BFSP2: variants seen among roughly 807,000 people sequenced by gnomAD.
BFSP2 encodes the protein phakinin.
BFSP2 carries 38 observed loss-of-function variants against 44.9 expected under a neutral mutation model. The ratio of observed to expected loss-of-function variants is 0.85; its 90% CI spans 0.65 to 1.11. The LOEUF is 1.11. Ranked by LOEUF, BFSP2 falls within the 50% of genes least tolerant of loss-of-function variation. The probability of loss-of-function intolerance (pLI) is 0.00; values close to 1 mark genes in which losing one functional copy is unlikely to be tolerated. For missense variants in BFSP2, 525 were observed against 533.0 expected, an observed-to-expected ratio of 0.99 and a Z score of 0.15; for synonymous variants, 197 against 209.9, an observed-to-expected ratio of 0.94 and a Z score of 0.53.
intron 1 of BFSP2, among the ~76,000 whole-genome samples, chr3:133,416,161 CCTCTCCCCTCTAGTCAGCCCTGTT>C (rs2107888149): frequency 1.4e-5 from 2 of 144,646 alleles, no homozygotes; most frequent in Admixed American, 1.4e-4. Context: ...TCACCACTGT[CCTCTCCCCTCTAGTCAGCCCTGTT>C]CTCTCCCCTT....
intron 1 of BFSP2, among the ~76,000 whole-genome samples, chr3:133,415,114 T>C (rs1409781319): frequency 1.1e-5 from 1 of 87,818 alleles, no homozygotes. Flanking sequence ...CTGCCTCCTC[T>C]GTTCTACTTA....
intron 2 of BFSP2, 130 bp downstream of exon 2, chr3:133,447,529 A>G (rs1423053083): frequency 2.1e-6 from 2 of 954,532 alleles, no homozygotes; most frequent in African/African-American, 3.3e-5. Context: ...TAACAGAGCC[A>G]TGATTATCCA....
intron 5 of BFSP2, among the ~76,000 whole-genome samples, chr3:133,471,934 T>A (rs1219618509): frequency 6.6e-6 from 1 of 151,346 alleles, no homozygotes; most frequent in Non-Finnish European, 1.5e-5. Context: ...CCCCGGGGAG[T>A]GAAGAAATCA....
At chr3:133,442,613 G>T (rs1269908910) in intron 1 of BFSP2, among the ~76,000 whole-genome samples, 1 of 152,196 alleles carries the variant, frequency 6.6e-6, no homozygotes, top group East Asian at 1.9e-4. Context: ...TAATGGGATA[G>T]GAGAGCATGA....
At chr3:133,467,107 G>T in intron 5 of BFSP2, 148 bp downstream of exon 5, 1 of 1,116,572 alleles carries the variant, frequency 9.0e-7, no homozygotes, top group Non-Finnish European at 1.3e-6. Context: ...GACTCCCAAG[G>T]ATCATCAGAT....
At chr3:133,473,945 C>T (rs965473590) in intron 6 of BFSP2, among the ~76,000 whole-genome samples, 1 of 152,174 alleles carries the variant, frequency 6.6e-6, no homozygotes, top group African/African-American at 2.4e-5. Context: ...CCAGAACCTG[C>T]TTATACTGGC....
chr3:133,426,019 G>C (rs991846644), intron 1 of BFSP2, among the ~76,000 whole-genome samples: 3 of 121,644 alleles, frequency 2.5e-5, no homozygotes, highest in African/African-American at 9.1e-5. Context: ...GAAGGGAAGG[G>C]AAGGGAAGGG....
chr3:133,472,420 G>C lies in BFSP2; in HGVS notation c.1099G>C (p.Val367Leu). 6.2e-7 allele frequency: 1 copy of C among 1,614,176 alleles called. No homozygotes were observed. The highest frequency in any genetic ancestry group is 2.2e-5 in the East Asian group (1 of 44,876). The part of the protein sequence containing the change: ...DMELQNLGAV[V>L]GRLEAELREI... ...GGAGCTCCAGAACCTGGGCGCTGTG[G>C]TCGGCCGGCTGGAGGCGGAGCTCAG... is the stretch of plus-strand genomic sequence containing the variant. The change falls in exon 6 of 7, where the codon GTC (valine) becomes CTC (leucine). Residue 367 changes from valine (V) to leucine (L), a missense_variant. Transcript: ENST00000302334.
At chr3:133,471,949 A>C (rs375323627) in intron 5 of BFSP2, among the ~76,000 whole-genome samples, 12 of 152,086 alleles carry the variant, frequency 7.9e-5, no homozygotes, top group African/African-American at 2.9e-4. Flanking sequence ...AAATCAGAAG[A>C]AAAAGCCCCG....
At chr3:133,464,514 T>G (rs1044713662) in intron 4 of BFSP2, among the ~76,000 whole-genome samples, 16 of 152,394 alleles carry the variant, frequency 1.0e-4, no homozygotes, top group Non-Finnish European at 8.8e-5. Flanking sequence ...TTCTTTATTA[T>G]TAGTAGTATT....
At chr3:133,450,177 A>G (rs1477559214) in intron 3 of BFSP2, 126 bp from the exon 4 acceptor site, 8 of 1,078,358 alleles carry the variant, frequency 7.4e-6, no homozygotes, top group Non-Finnish European at 1.1e-5. Context: ...AGTCTCTGTG[A>G]AGCCTGTGTC....
chr3:133,438,325 G>A (rs560502937), intron 1 of BFSP2, among the ~76,000 whole-genome samples: 3 of 152,286 alleles, frequency 2.0e-5, no homozygotes, highest in East Asian at 3.9e-4. Flanking sequence ...TTGGGAGTTC[G>A]AGACCAGCCT....
At position 133,442,382 on chromosome 3, in the gene BFSP2, T is replaced by C. The variant is rs147487603; in HGVS notation, c.490-4935T>C. On this transcript the variant is annotated intron_variant, in intron 1 of 6. Coordinates refer to ENST00000302334, the MANE Select transcript of BFSP2 (RefSeq NM_003571.4). Reference sequence around the variant, plus strand: ...GTTGCCCAGGCTGGTCTCAAACTTCTAGGCTCAAGCAATCCACCCACCCTG... The same window carrying C: ...GTTGCCCAGGCTGGTCTCAAACTTCCAGGCTCAAGCAATCCACCCACCCTG... Among the ~76,000 whole-genome samples, 383 of 152,168 alleles carry C rather than the reference T, an allele frequency of 2.5e-3. 1 individual carries two copies. Among genetic ancestry groups the C allele is most frequent in the Middle Eastern group, 0.01 (3 of 294 alleles).
intron 1 of BFSP2, among the ~76,000 whole-genome samples, chr3:133,411,599 G>T (rs1222488059): frequency 6.6e-6 from 1 of 152,084 alleles, no homozygotes; most frequent in Non-Finnish European, 1.5e-5. Flanking sequence ...GAAAAGAAGG[G>T]GGTCAGATGA....
At chr3:133,448,113 G>A (rs1179244429) in intron 2 of BFSP2, among the ~76,000 whole-genome samples, 5 of 152,208 alleles carry the variant, frequency 3.3e-5, no homozygotes, top group African/African-American at 1.2e-4. Flanking sequence ...CCCCACCCTG[G>A]TGCTTAGCAG....
chr3:133,430,804 C>A (rs1262927628), intron 1 of BFSP2, among the ~76,000 whole-genome samples: 1 of 152,070 alleles, frequency 6.6e-6, no homozygotes, highest in Non-Finnish European at 1.5e-5. Flanking sequence ...TCTGACCTCT[C>A]CCCTCCTCAC....
At position 133,417,165 on chromosome 3, in the gene BFSP2, C is replaced by G. The variant is rs372099285; in HGVS notation, c.489+16593C>G. 1.7e-4 allele frequency among the ~76,000 whole-genome samples: 20 copies of G among 118,414 alleles called. No homozygotes were observed. The East Asian group carries it at 6.3e-3, about 38-fold the overall frequency. The allele number at this position is 118,414 out of a possible 152,430, so 77.7% of individuals were successfully genotyped here. On this transcript the variant is annotated intron_variant, in intron 1 of 6. Coordinates refer to ENST00000302334, the MANE Select transcript of BFSP2 (RefSeq NM_003571.4). ...CTCTCCCCTCTCTCATCTCTCTACT[C>G]ACCCCTGCCATCTCTCCTCTATCCA...
intron 1 of BFSP2, chr3:133,410,530 C>A: frequency 3.6e-6 from 1 of 276,814 alleles, no homozygotes; most frequent in East Asian, 1.0e-4. Context: ...TATCAGCGCT[C>A]CAAATCACCT....
chr3:133,444,425 G>C (rs1418792791), intron 1 of BFSP2, among the ~76,000 whole-genome samples: 2 of 152,122 alleles, frequency 1.3e-5, no homozygotes, highest in Non-Finnish European at 2.9e-5. Flanking sequence ...CCAAATCTTA[G>C]AATTACTTAC....
Sources: allele counts gnomAD v4.1 joint callset (sites outside exome capture counted in the v4.1 genomes callset), GRCh38; gene constraint gnomAD v4.1.1; transcripts MANE v1.5; gene names NCBI Gene and HGNC (gene_info 2026-07-23, HGNC 2026-07-21).